Variants in MYD88 observed in about 807,000 individuals in gnomAD.
MYD88 encodes myeloid differentiation primary response protein MyD88.
Under a neutral mutation model 31.1 loss-of-function variants are expected in MYD88, and 15 were observed. The observed-to-expected ratio is 0.48, with a 90% CI of 0.32 to 0.74. The LOEUF is 0.74. Among genes scored for constraint, MYD88 ranks in the 30% least tolerant of loss-of-function variants. MYD88 has a pLI of 0.03. For synonymous variants in MYD88, 157 were observed against 158.8 expected (o/e 0.99, Z 0.08); for missense variants, 308 against 387.4 (o/e 0.79, Z 1.72).
rs577811780 is a variant in MYD88, at chr3:38,139,293, C to T, written c.328+265C>T. On this transcript the variant is annotated intron_variant, in intron 1 of 4. Coordinates refer to ENST00000650905, the MANE Select transcript of MYD88 (RefSeq NM_002468.5). This position sits in a 1 kb window ranked among gnomAD's most constrained non-coding sequence, Gnocchi z 4.7. ...TTCAGGTAGGGCCAGGAGTCAGAAT[C>T]AGGCTTCTGTGGGGGCATCTGGGCT... The T allele has an allele frequency of 3.5e-6, 2 of 565,564 alleles. No individual in the cohort carries two copies. Among genetic ancestry groups the T allele is most frequent in the South Asian group, 4.5e-5 (2 of 44,852 alleles). 35.0% of individuals were successfully genotyped at this position (565,564 alleles called of 1,614,324 possible).
In MYD88 at chr3:38,139,218, G is replaced by GAA; in HGVS notation, c.328+192_328+193dup. ...GTCGCGGTTATTAAGAAGGACTGGA[G>GAA]AAAGGTCCGGATAGGCGGAGATGGG... On this transcript the variant is annotated intron_variant, in intron 1 of 4. Transcript: ENST00000650905. This position sits in a 1 kb window ranked among gnomAD's most constrained non-coding sequence, Gnocchi z 4.7. 1 of 771,770 alleles carries GAA rather than the reference G, an allele frequency of 1.3e-6. No homozygotes were observed. Among genetic ancestry groups the GAA allele is most frequent in the Non-Finnish European group, 2.0e-6 (1 of 495,792 alleles). The allele number at this position is 771,770 out of a possible 1,614,324, so 47.8% of individuals were successfully genotyped here.
rs1159761534 is a variant in MYD88, at chr3:38,141,246, G to A, written c.851G>A (p.Trp284Ter). The A allele has an allele frequency of 1.9e-6, 3 of 1,614,204 alleles. No individual in the cohort carries two copies. Among genetic ancestry groups the A allele is most frequent in the Non-Finnish European group, 2.5e-6 (3 of 1,180,036 alleles). The change falls in exon 5 of 5, where the codon TGG (tryptophan) becomes TAG (stop). Residue 284 changes from tryptophan (W) to a stop codon, truncating the protein, a stop_gained. Transcript: ENST00000650905. LOFTEE classifies it high-confidence loss of function. ...TACACCAACCCCTGCACCAAATCTT[G>A]GTTCTGGACTCGCCTTGCCAAGGCC... ...CDYTNPCTKS[W>*]FWTRLAKALS...
rs890594640 is a variant in MYD88, at chr3:38,139,840, C to T, written c.329-24C>T. The T allele has an allele frequency of 1.2e-6, 2 of 1,611,758 alleles. No individual in the cohort carries two copies. The highest frequency in any genetic ancestry group is 2.7e-5 in the African/African-American group (2 of 74,880). On this transcript the variant is annotated intron_variant, in intron 1 of 4. Transcript: ENST00000650905. The surrounding 1 kb of genome is among the most constrained non-coding windows in gnomAD (Gnocchi z 4.7). ...GAGGTAGGCACTCCCAGGGAGGCTG[C>T]TTTACTCTGTCTCTTCCCCACAGAG... is the stretch of plus-strand genomic sequence containing the variant.
chr3:38,142,567 AC>A lies in MYD88; in HGVS notation c.*1282del. 1 of 233,286 alleles carries A rather than the reference AC, an allele frequency of 4.3e-6. No individual in the cohort carries two copies. Among genetic ancestry groups the A allele is most frequent in the Non-Finnish European group, 8.5e-6 (1 of 118,074 alleles). 14.5% of individuals were successfully genotyped at this position (233,286 alleles called of 1,614,324 possible). A position where few individuals can be genotyped will look rare whatever the true frequency, so the allele number is the denominator to read the frequency against. ...GAGAGGAAGAGAGCTGCTTAAACTC[AC>A]ACAACAATGAACTGCAGACACAGCT... is the stretch of plus-strand genomic sequence containing the variant. On this transcript the variant is annotated 3_prime_UTR_variant, in exon 5 of 5. Transcript: ENST00000650905.
At position 38,142,264 on chromosome 3, in the gene MYD88, G is replaced by C; in HGVS notation, c.*978G>C. 8.6e-6 allele frequency: 2 copies of C among 233,306 alleles called. No homozygotes were observed. The highest frequency in any genetic ancestry group is 1.2e-4 in the East Asian group (2 of 16,598). The allele number at this position is 233,306 out of a possible 1,614,324, so 14.5% of individuals were successfully genotyped here. On this transcript the variant is annotated 3_prime_UTR_variant, in exon 5 of 5. Coordinates refer to ENST00000650905, the MANE Select transcript of MYD88 (RefSeq NM_002468.5). ...ATAAAAGCCTCCTGCCCCAAAGCTT[G>C]TGGGCACATGGGCACATACAGACTC...
At position 38,139,953 on chromosome 3, in the gene MYD88, C is replaced by T. The variant is rs2125777634; in HGVS notation, c.418C>T (p.Arg140Trp). ...GGCCGCTGTAGACAGCAGTGTCCCA[C>T]GGACAGCAGAGCTGGCGGGCATCAC... ...QVAAVDSSVP[R>W]TAELAGITTL... The change falls in exon 2 of 5, where the codon CGG becomes TGG. Residue 140 changes from arginine (R) to tryptophan (W), a missense_variant. Transcript: ENST00000650905. The surrounding 1 kb of genome is among the most constrained non-coding windows in gnomAD (Gnocchi z 4.7). The T allele has an allele frequency of 2.5e-6, 4 of 1,613,714 alleles. No homozygotes were observed. Among genetic ancestry groups the T allele is most frequent in the Non-Finnish European group, 3.4e-6 (4 of 1,179,982 alleles).
At chr3:38,140,177 T>G in intron 2 of MYD88, 179 bp downstream of exon 2, 1 of 960,002 alleles carries the variant, frequency 1.0e-6, no homozygotes, top group East Asian at 2.6e-5. Flanking sequence ...TGCTGTGAGA[T>G]GCTCATGAAA....
intron 2 of MYD88, 22 bp from the exon 3 acceptor site, chr3:38,140,366 C>T (rs906403871): frequency 6.2e-7 from 1 of 1,613,600 alleles, no homozygotes; most frequent in Non-Finnish European, 8.5e-7. Context: ...CTCTGACCAC[C>T]ACCCTTGTGC....
Position 38,139,039 on chromosome 3 carries a change from C to T in MYD88, c.328+11C>T, listed in dbSNP as rs201931967. ...TGGGACCCAGCATTGGTGAGGACGT[C>T]CCCTTCCTGGCCTCGTACCTGGGGG... On this transcript the variant is annotated intron_variant, in intron 1 of 4. Coordinates refer to ENST00000650905, the MANE Select transcript of MYD88 (RefSeq NM_002468.5). The surrounding 1 kb of genome is among the most constrained non-coding windows in gnomAD (Gnocchi z 4.7). 1.3e-4 allele frequency: 210 copies of T among 1,599,420 alleles called. 1 individual carries two copies. In the African/African-American group the frequency reaches 2.2e-3, roughly 17 times the overall value.
Position 38,140,835 on chromosome 3 carries a change from C to T in MYD88, c.723C>T (p.Leu241=), listed in dbSNP as rs151334142. 105 of 1,614,008 alleles carry T rather than the reference C, an allele frequency of 6.5e-5. No homozygotes were observed. Among genetic ancestry groups the T allele is most frequent in the Non-Finnish European group, 8.7e-5 (103 of 1,179,980 alleles). ...GTGACTTCCAGACCAAATTTGCACT[C>T]AGCCTCTCTCCAGGTAAGCTCAACC... The part of the protein sequence containing the change: ...KECDFQTKFA[L]SLSPGAHQKR... The change falls in exon 4 of 5, where the codon CTC becomes CTT. Residue 241 remains leucine (L), a synonymous_variant. Transcript: ENST00000650905.
chr3:38,139,530 C>A lies in MYD88; in HGVS notation c.329-334C>A. 1 of 442,142 alleles carries A rather than the reference C, an allele frequency of 2.3e-6. No individual in the cohort carries two copies. The highest frequency in any genetic ancestry group is 4.6e-5 in the East Asian group (1 of 21,730). The allele number at this position is 442,142 out of a possible 1,614,324, so 27.4% of individuals were successfully genotyped here. On this transcript the variant is annotated intron_variant, in intron 1 of 4. Transcript: ENST00000650905. The surrounding 1 kb of genome is among the most constrained non-coding windows in gnomAD (Gnocchi z 4.7). ...CAGTGGGTCTCCTGAGCCTTTCTGG[C>A]ATGCCCAGCCCCTTGCTCACATCTG...
Position 38,138,747 on chromosome 3 carries a change from C to G in MYD88, c.47C>G (p.Ser16Cys), listed in dbSNP as rs1300553231. The stretch of plus-strand genomic sequence containing the variant: ...GCGGGGTCTGCGGCCCCGGTCTCCT[C>G]CACATCCTCCCTTCCCCTGGCTGCT... ...PGAGSAAPVSSTSSLPLAALN... is the reference protein window; with the variant it reads ...PGAGSAAPVSCTSSLPLAALN... The change falls in exon 1 of 5, where the codon TCC (serine) becomes TGC (cysteine). Residue 16 changes from serine (S) to cysteine (C), a missense_variant. By Grantham distance (112) the Ser-to-Cys change is moderately radical. Transcript: ENST00000650905. This position sits in a 1 kb window ranked among gnomAD's most constrained non-coding sequence, Gnocchi z 6.4. 1 of 1,611,796 alleles carries G rather than the reference C, an allele frequency of 6.2e-7. No homozygotes were observed. The highest frequency in any genetic ancestry group is 1.3e-5 in the African/African-American group (1 of 74,938).
At position 38,140,520 on chromosome 3, in the gene MYD88, T is replaced by G; in HGVS notation, c.596T>G (p.Leu199Arg). 6.2e-7 allele frequency: 1 copy of G among 1,614,258 alleles called. No individual in the cohort carries two copies. Among genetic ancestry groups the G allele is most frequent in the Non-Finnish European group, 8.5e-7 (1 of 1,180,046 alleles). ...LKLCVSDRDV[L>R]PGTCVWSIAS... ...TTGTGTGTGTCTGACCGCGATGTCCTGCCTGGCACCTGTGTCTGGTCTATT... is the reference window on the plus strand; with the variant it reads ...TTGTGTGTGTCTGACCGCGATGTCCGGCCTGGCACCTGTGTCTGGTCTATT... Residue 199 changes from leucine (L) to arginine (R), a missense_variant, in exon 3 of 5, where the codon CTG (leucine) becomes CGG (arginine). Coordinates refer to ENST00000650905, the MANE Select transcript of MYD88 (RefSeq NM_002468.5).
rs1315762961 is a variant in MYD88 at position 38,140,466 on chromosome 3, A to G, written c.542A>G (p.Gln181Arg). ...CAGTTTGTGCAGGAGATGATCCGGC[A>G]ACTGGAACAGACAAACTATCGACTG... The part of the protein sequence containing the change: ...DIQFVQEMIR[Q>R]LEQTNYRLKL... The change falls in exon 3 of 5, where the codon CAA becomes CGA. Residue 181 changes from glutamine to arginine, a missense_variant. Gln to Arg is a conservative substitution (Grantham distance 43). Coordinates refer to ENST00000650905, the MANE Select transcript of MYD88 (RefSeq NM_002468.5). 6.2e-7 allele frequency: 1 copy of G among 1,614,238 alleles called. No homozygotes were observed. Among genetic ancestry groups the G allele is most frequent in the Admixed American group, 1.7e-5 (1 of 60,024 alleles).
Position 38,139,083 on chromosome 3 carries a change from C to CG in MYD88, c.328+56dup. On this transcript the variant is annotated intron_variant, in intron 1 of 4. Coordinates refer to ENST00000650905, the MANE Select transcript of MYD88 (RefSeq NM_002468.5). The surrounding 1 kb of genome is among the most constrained non-coding windows in gnomAD (Gnocchi z 4.7). ...CTGGGGGGTGAGGAGGCTGACTTTCCGCGGCCTCAGCATCCTGTCTCCCAT... is the reference window on the plus strand; with the variant it reads ...CTGGGGGGTGAGGAGGCTGACTTTCCGGCGGCCTCAGCATCCTGTCTCCCAT... The CG allele has an allele frequency of 6.4e-7, 1 of 1,565,594 alleles. No homozygotes were observed. The highest frequency in any genetic ancestry group is 8.6e-7 in the Non-Finnish European group (1 of 1,161,192).
rs1701028735 is a variant in MYD88 at position 38,139,790 on chromosome 3, C to T, written c.329-74C>T. 5.0e-6 allele frequency: 8 copies of T among 1,589,264 alleles called. No individual in the cohort carries two copies. The highest frequency in any genetic ancestry group is 2.2e-5 in the South Asian group (2 of 89,616). ...AACCCAGCCAGAGGAGGTGGGACAG[C>T]GGCTGGATCCTGACTGTGGGTAAAG... On this transcript the variant is annotated intron_variant, in intron 1 of 4. Coordinates refer to ENST00000650905, the MANE Select transcript of MYD88 (RefSeq NM_002468.5). This position sits in a 1 kb window ranked among gnomAD's most constrained non-coding sequence, Gnocchi z 4.7.
intron 3 of MYD88, 75 bp from the exon 4 acceptor site, chr3:38,140,682 C>A (rs1701057191): frequency 1.3e-6 from 2 of 1,595,466 alleles, no homozygotes; most frequent in Non-Finnish European, 1.7e-6. Context: ...ACAGTGGGCC[C>A]TTCCTGAAGC....
rs1334452965 is a variant in MYD88, at chr3:38,140,245, T to C, written c.464-143T>C. 5 of 1,060,450 alleles carry C rather than the reference T, an allele frequency of 4.7e-6. No homozygotes were observed. The African/African-American group carries it at 6.3e-5, about 13-fold the overall frequency. 65.7% of individuals were successfully genotyped at this position (1,060,450 alleles called of 1,614,324 possible). ...GCCCCTGAGGTACTCATCTTTCCTC[T>C]CCTGGAAAGGGCACTTTCTCTGAGG... On this transcript the variant is annotated intron_variant, in intron 2 of 4. Transcript: ENST00000650905.
Position 38,141,446 on chromosome 3 carries a change from C to A in MYD88, c.*160C>A. On this transcript the variant is annotated 3_prime_UTR_variant, in exon 5 of 5. Transcript: ENST00000650905. ...ACACGTCTGCAGCAGCTGGACATCACATTTCATGTCCTGCATGGAACCAGT... is the reference window on the plus strand; with the variant it reads ...ACACGTCTGCAGCAGCTGGACATCAAATTTCATGTCCTGCATGGAACCAGT... 3 of 939,020 alleles carry A rather than the reference C, an allele frequency of 3.2e-6. No homozygotes were observed. The highest frequency in any genetic ancestry group is 5.1e-6 in the Non-Finnish European group (3 of 591,108). 58.2% of individuals were successfully genotyped at this position (939,020 alleles called of 1,614,324 possible).
Sources: allele counts gnomAD v4.1 joint callset, GRCh38; gene constraint gnomAD v4.1.1; non-coding constraint Gnocchi (gnomAD v3.1); transcripts MANE v1.5; gene names NCBI Gene and HGNC (gene_info 2026-07-23, HGNC 2026-07-21).